Variants in CCM2 observed in about 807,000 individuals in gnomAD.
CCM2 encodes the protein CCM2 scaffold protein.
A neutral mutation model predicts 44.9 loss-of-function variants in CCM2; 25 were observed. The ratio of observed to expected loss-of-function variants is 0.56; its 90% CI spans 0.41 to 0.78. CCM2 has a LOEUF of 0.78. Ranked by LOEUF, CCM2 falls within the 30% of genes least tolerant of loss-of-function variation. The pLI is 0.00. For synonymous variants in CCM2, 219 were observed against 241.1 expected (o/e 0.91, Z 0.85); for missense variants, 481 against 580.6 (o/e 0.83, Z 1.76).
intron 2 of CCM2, chr7:45,063,077 C>CT (rs72447972): frequency 0.14 from 19,870 of 146,492 alleles, 2,477 homozygotes; most frequent in African/African-American, 0.33. Flanking sequence ...TCTTTTCTTT[C>CT]TTTTTTTTTT....
At chr7:45,043,170 G>T (rs1434557231) in intron 2 of CCM2, among the ~76,000 whole-genome samples, 1 of 151,772 alleles carries the variant, frequency 6.6e-6, no homozygotes. Context: ...AGGTCTCACT[G>T]TGTTGACCAG....
chr7:45,042,154 A>T (rs1284234042), intron 2 of CCM2, among the ~76,000 whole-genome samples: 1 of 151,112 alleles, frequency 6.6e-6, no homozygotes, highest in Non-Finnish European at 1.5e-5. Flanking sequence ...CACGCCTGTA[A>T]TCTCAGGAGG....
rs1413359362 is a variant in CCM2 at position 45,022,273 on chromosome 7, A to AT, written c.31-15971dup. On this transcript the variant is annotated intron_variant, in intron 1 of 9. Coordinates refer to ENST00000258781, the MANE Select transcript of CCM2 (RefSeq NM_031443.4). The stretch of plus-strand genomic sequence containing the variant: ...TAGTATGTTTCATGTGGGGATCATT[A>AT]TTTTTTTTTGGACCAGCTTTTTTTT... 1.2e-3 allele frequency among the ~76,000 whole-genome samples: 39 copies of AT among 33,538 alleles called. No individual in the cohort carries two copies. In the South Asian group the frequency reaches 0.023, roughly 19 times the overall value. The allele number at this position is 33,538 out of a possible 152,430, so 22.0% of individuals were successfully genotyped here.
intron 1 of CCM2, among the ~76,000 whole-genome samples, chr7:45,001,675 G>A (rs1795638136): frequency 6.6e-6 from 1 of 152,126 alleles, no homozygotes; most frequent in South Asian, 2.1e-4. Context: ...CTACCTGTGT[G>A]TGATAGGCAA....
intron 1 of CCM2, among the ~76,000 whole-genome samples, chr7:45,016,439 C>T (rs1328424832): frequency 6.6e-6 from 1 of 151,346 alleles, no homozygotes; most frequent in African/African-American, 2.4e-5. Flanking sequence ...AAGCGATTCT[C>T]CTGTCTCAGC....
intron 1 of CCM2, among the ~76,000 whole-genome samples, chr7:45,030,465 C>T (rs1436116398): frequency 6.6e-6 from 1 of 152,222 alleles, no homozygotes; most frequent in Non-Finnish European, 1.5e-5. Context: ...CAGACAGGGT[C>T]TCACTCTGTT....
At position 45,008,201 on chromosome 7, in the gene CCM2, G is replaced by A. The variant is rs554904990; in HGVS notation, c.30+7838G>A. On this transcript the variant is annotated intron_variant, in intron 1 of 9. Transcript: ENST00000258781. ...ACTATAGGTGCGTGTTCCCATGCCCGGCTAATTTTTTTATTTTTGGTAGAG... is the reference window on the plus strand; with the variant it reads ...ACTATAGGTGCGTGTTCCCATGCCCAGCTAATTTTTTTATTTTTGGTAGAG... Among the ~76,000 whole-genome samples, 12 of 151,934 alleles carry A rather than the reference G, an allele frequency of 7.9e-5. No individual in the cohort carries two copies. The East Asian group carries it at 1.9e-3, about 25-fold the overall frequency.
intron 1 of CCM2, among the ~76,000 whole-genome samples, chr7:45,035,176 G>A (rs547684774): frequency 2.6e-5 from 4 of 152,182 alleles, no homozygotes; most frequent in African/African-American, 4.8e-5. Flanking sequence ...GTCTTAGAGC[G>A]GATCATCTTG....
rs750076141 is a variant in CCM2, at chr7:45,074,282, C to T, written c.928C>T (p.Leu310=). 1.9e-6 allele frequency: 3 copies of T among 1,613,562 alleles called. No homozygotes were observed. The highest frequency in any genetic ancestry group is 2.5e-6 in the Non-Finnish European group (3 of 1,180,040). The change falls in exon 9 of 10, where the codon CTG becomes TTG. Residue 310 remains leucine, a synonymous_variant. Transcript: ENST00000258781. ...QDYMLTLRTK[L]SSQEIQQFAA... ...TGCTCTCTTGCAGCTGCGCACCAAG[C>T]TGTCATCACAGGAGATCCAGCAGTT...
At chr7:45,002,429 C>A (rs953593191) in intron 1 of CCM2, among the ~76,000 whole-genome samples, 1 of 152,002 alleles carries the variant, frequency 6.6e-6, no homozygotes, top group Non-Finnish European at 1.5e-5. Flanking sequence ...ATTAGCCAGG[C>A]GCGGCAGCGC....
At chr7:45,032,923 C>G (rs962654208) in intron 1 of CCM2, among the ~76,000 whole-genome samples, 1 of 151,852 alleles carries the variant, frequency 6.6e-6, no homozygotes, top group Non-Finnish European at 1.5e-5. Flanking sequence ...TGCCTGTAAT[C>G]CCAGCTACTC....
chr7:45,062,188 C>T (rs73694267), intron 2 of CCM2, among the ~76,000 whole-genome samples: 1,577 of 152,252 alleles, frequency 0.01, 25 homozygotes, highest in African/African-American at 0.037. Context: ...TGAGCCTTTA[C>T]AAGCTGGACA....
At chr7:45,002,514 T>C (rs887603671) in intron 1 of CCM2, among the ~76,000 whole-genome samples, 11 of 151,996 alleles carry the variant, frequency 7.2e-5, no homozygotes, top group African/African-American at 2.7e-4. Context: ...TTTTTTTTTT[T>C]TTCTTTTTAA....
At chr7:45,011,547 C>CTTTA (rs940141849) in intron 1 of CCM2, among the ~76,000 whole-genome samples, 32 of 151,446 alleles carry the variant, frequency 2.1e-4, no homozygotes, top group Middle Eastern at 3.4e-3. Context: ...TTAATGGTTG[C>CTTTA]TTTATTTATT....
At chr7:45,009,646 C>T (rs572679654) in intron 1 of CCM2, among the ~76,000 whole-genome samples, 5 of 152,134 alleles carry the variant, frequency 3.3e-5, no homozygotes, top group African/African-American at 1.2e-4. Flanking sequence ...TCAGATGATC[C>T]GCCCACCTCG....
At chr7:45,065,270 C>T (rs1798718329) in intron 4 of CCM2, among the ~76,000 whole-genome samples, 1 of 152,238 alleles carries the variant, frequency 6.6e-6, no homozygotes, top group Admixed American at 6.5e-5. Context: ...GCTTCCAGCC[C>T]AGGCATTCAG....
intron 2 of CCM2, among the ~76,000 whole-genome samples, chr7:45,059,217 C>T (rs747505541): frequency 5.9e-5 from 9 of 152,072 alleles, no homozygotes; most frequent in Non-Finnish European, 8.8e-5. Flanking sequence ...CCTTGCACAC[C>T]TGGGATAAAT....
chr7:45,034,798 G>A (rs537332902), intron 1 of CCM2, among the ~76,000 whole-genome samples: 4 of 152,178 alleles, frequency 2.6e-5, no homozygotes, highest in African/African-American at 9.6e-5. Context: ...TGGGATTACA[G>A]GTGTGAGCCA....
At chr7:45,028,532 C>A (rs963478028) in intron 1 of CCM2, among the ~76,000 whole-genome samples, 2 of 152,034 alleles carry the variant, frequency 1.3e-5, no homozygotes, top group South Asian at 4.2e-4. Context: ...CGGCACGCAC[C>A]TGTAATCCCA....
Sources: gnomAD v4.1 joint callset for allele counts (sites outside exome capture counted in the v4.1 genomes callset) on GRCh38, gnomAD v4.1.1 for gene constraint, MANE v1.5 for transcripts, NCBI Gene and HGNC (gene_info 2026-07-23, HGNC 2026-07-21) for gene names.